Variants in EXOC6B observed in about 807,000 individuals in gnomAD.
EXOC6B encodes the protein exocyst complex component 6B, also known as SEC15 homolog B.
A neutral mutation model predicts 113.5 loss-of-function variants in EXOC6B; 54 were observed. The ratio of observed to expected loss-of-function variants is 0.48; its 90% confidence interval spans 0.38 to 0.60. The LOEUF (loss-of-function observed/expected upper bound fraction) is 0.60, where lower values mean the gene tolerates loss of function less well. Ranked by LOEUF, EXOC6B falls within the 20% of genes least tolerant of loss-of-function variation. The probability of loss-of-function intolerance (pLI) is 0.00; values close to 1 mark genes in which losing one functional copy is unlikely to be tolerated. For missense variants in EXOC6B, 797 were observed against 977.5 expected (o/e 0.82, Z 2.46); for synonymous variants, 357 against 339.0 (o/e 1.05, Z -0.58).
chr2:72,617,864 C>G (rs1671498906), intron 6 of EXOC6B, among the ~76,000 whole-genome samples: 2 of 152,100 alleles, frequency 1.3e-5, no homozygotes, highest in Admixed American at 6.6e-5. Context: ...ACAGATGGTT[C>G]AACAAGTTTT....
chr2:72,324,251 T>A (rs558105782), intron 20 of EXOC6B, among the ~76,000 whole-genome samples: 25 of 152,316 alleles, frequency 1.6e-4, no homozygotes, highest in African/African-American at 6.0e-4. Context: ...AAAAATTAAC[T>A]CAAGGCTTAA....
intron 19 of EXOC6B, among the ~76,000 whole-genome samples, chr2:72,354,869 G>A (rs932923210): frequency 6.6e-6 from 1 of 152,202 alleles, no homozygotes; most frequent in Non-Finnish European, 1.5e-5. Context: ...CTTTTGTACT[G>A]CCTATTTTTG....
chr2:72,556,205 G>A (rs1477230018), intron 8 of EXOC6B, among the ~76,000 whole-genome samples: 1 of 152,192 alleles, frequency 6.6e-6, no homozygotes, highest in Non-Finnish European at 1.5e-5. Flanking sequence ...AATGACACCT[G>A]CTTGTTATGA....
At chr2:72,468,312 C>G (rs1269349933) in intron 17 of EXOC6B, among the ~76,000 whole-genome samples, 1 of 151,842 alleles carries the variant, frequency 6.6e-6, no homozygotes, top group African/African-American at 2.4e-5. Context: ...CCATTTTATG[C>G]TGATTTTTAT....
chr2:72,452,405 G>C (rs918624003), intron 18 of EXOC6B, among the ~76,000 whole-genome samples: 1 of 152,022 alleles, frequency 6.6e-6, no homozygotes, highest in African/African-American at 2.4e-5. Flanking sequence ...GGAAAATATA[G>C]AAAATAATAT....
chr2:72,636,329 G>GA, intron 6 of EXOC6B, among the ~76,000 whole-genome samples: 17 of 122,138 alleles, frequency 1.4e-4, no homozygotes, highest in East Asian at 2.3e-4. Flanking sequence ...GGGAGGGAAG[G>GA]AGGGAAGGAA....
chr2:72,502,896 C>T (rs1236886602), intron 11 of EXOC6B, among the ~76,000 whole-genome samples: 1 of 152,066 alleles, frequency 6.6e-6, no homozygotes, highest in Non-Finnish European at 1.5e-5. Flanking sequence ...TGTCTTTGCT[C>T]TCTGTATTTT....
At chr2:72,652,048 T>A (rs565267679) in intron 6 of EXOC6B, among the ~76,000 whole-genome samples, 1 of 152,156 alleles carries the variant, frequency 6.6e-6, no homozygotes, top group South Asian at 2.1e-4. Flanking sequence ...TGATCTCTAG[T>A]TTCAAATTTA....
At chr2:72,532,228 G>T (rs1000576595) in intron 8 of EXOC6B, among the ~76,000 whole-genome samples, 1 of 152,100 alleles carries the variant, frequency 6.6e-6, no homozygotes, top group South Asian at 2.1e-4. Context: ...AAAAGGAAAT[G>T]AATGGCCTCT....
intron 20 of EXOC6B, among the ~76,000 whole-genome samples, chr2:72,268,471 T>G (rs1464871761): frequency 6.6e-6 from 1 of 152,010 alleles, no homozygotes; most frequent in Non-Finnish European, 1.5e-5. Context: ...TTGAAAATAA[T>G]AATGAAAAAA....
At chr2:72,370,795 AGGTGG>A (rs1297902220) in intron 19 of EXOC6B, among the ~76,000 whole-genome samples, 10 of 148,578 alleles carry the variant, frequency 6.7e-5, no homozygotes, top group Non-Finnish European at 1.5e-4. Context: ...TCTCACTCAT[AGGTGG>A]GAATTGAACA....
intron 19 of EXOC6B, among the ~76,000 whole-genome samples, chr2:72,344,552 T>C (rs1689212815): frequency 6.6e-6 from 1 of 152,158 alleles, no homozygotes; most frequent in Admixed American, 6.6e-5. Context: ...ATGTGGCAAC[T>C]TTGGAAAAAA....
At chr2:72,306,228 A>G (rs1471536427) in intron 20 of EXOC6B, among the ~76,000 whole-genome samples, 3 of 152,220 alleles carry the variant, frequency 2.0e-5, no homozygotes. Flanking sequence ...GAAAATGTAT[A>G]CCGTTATAAT....
At chr2:72,638,941 C>T (rs921921531) in intron 6 of EXOC6B, among the ~76,000 whole-genome samples, 4 of 152,310 alleles carry the variant, frequency 2.6e-5, no homozygotes, top group African/African-American at 9.6e-5. Context: ...CCTGGCCACG[C>T]CTCCTTGCAG....
At chr2:72,212,828 A>G (rs1203256991) in intron 20 of EXOC6B, among the ~76,000 whole-genome samples, 1 of 152,204 alleles carries the variant, frequency 6.6e-6, no homozygotes, top group Non-Finnish European at 1.5e-5. Context: ...GCAGGATAAG[A>G]GGCACTTGAA....
At chr2:72,464,802 A>C in intron 18 of EXOC6B, 1 of 234,910 alleles carries the variant, frequency 4.3e-6, no homozygotes, top group East Asian at 8.8e-5. Flanking sequence ...CAGTTTATAT[A>C]AAAAAGTTAA....
intron 6 of EXOC6B, among the ~76,000 whole-genome samples, chr2:72,610,218 G>T (rs1328102186): frequency 6.6e-6 from 1 of 152,090 alleles, no homozygotes; most frequent in Non-Finnish European, 1.5e-5. Flanking sequence ...CCATTTAAAA[G>T]ATATAAAAAA....
chr2:72,742,536 T>C (rs1407386007), intron 1 of EXOC6B, among the ~76,000 whole-genome samples: 1 of 152,106 alleles, frequency 6.6e-6, no homozygotes, highest in African/African-American at 2.4e-5. Flanking sequence ...TCCCTTCCAC[T>C]TCCTCACTTC....
chr2:72,543,455 C>T (rs1430088570), intron 8 of EXOC6B, among the ~76,000 whole-genome samples: 1 of 149,114 alleles, frequency 6.7e-6, no homozygotes, highest in African/African-American at 2.6e-5. Context: ...AAGGTAAGCA[C>T]ACTTGAGAAG....
Sources: allele counts gnomAD v4.1 joint callset (sites outside exome capture counted in the v4.1 genomes callset), GRCh38; gene constraint gnomAD v4.1.1; transcripts MANE v1.5; gene names NCBI Gene and HGNC (gene_info 2026-07-23, HGNC 2026-07-21).